Variants in ERCC5 observed in about 807,000 individuals in gnomAD.
ERCC5 encodes DNA excision repair protein ERCC-5.
ERCC5 carries 68 observed loss-of-function variants against 105.6 expected under a neutral mutation model. That is an observed-to-expected ratio of 0.64 (90% CI 0.53 to 0.79). The LOEUF (loss-of-function observed/expected upper bound fraction) is 0.79, where lower values mean the gene tolerates loss of function less well. ERCC5 is among the 30% of genes least tolerant of loss of function. The pLI, the probability that ERCC5 is intolerant of heterozygous loss-of-function variation, is 0.00. For synonymous variants in ERCC5, 546 were observed against 526.2 expected (o/e 1.04, Z -0.51); for missense variants, 1,373 against 1,426.7 (o/e 0.96, Z 0.61).
chr13:102,875,825 CCTCGTGACCGCCA>C lies in ERCC5; in HGVS notation c.3484_3496del (p.Leu1162AspfsTer11). 1 of 1,613,466 alleles carries C rather than the reference CCTCGTGACCGCCA, an allele frequency of 6.2e-7. No individual in the cohort carries two copies. The highest frequency in any genetic ancestry group is 1.3e-5 in the African/African-American group (1 of 74,960). On this transcript the variant is annotated frameshift_variant, in exon 15 of 15. Coordinates refer to ENST00000652225, the MANE Select transcript of ERCC5 (RefSeq NM_000123.4). LOFTEE classifies it low-confidence loss of function (END_TRUNC). ...ACGATGGAGGGAAAGAGAAGATGGT[CCTCGTGACCGCCA>C]GATCTGTGTTTGGGAAGAAAAGAAG...
chr13:102,846,842 G>T (rs372823288), intron 1 of ERCC5, among the ~76,000 whole-genome samples: 1 of 152,310 alleles, frequency 6.6e-6, no homozygotes, highest in Admixed American at 6.5e-5. Context: ...GCTTTCCCCA[G>T]CTTTGCAGTC....
chr13:102,866,954 G>A, intron 11 of ERCC5, 109 bp downstream of exon 11: 1 of 1,236,470 alleles, frequency 8.1e-7, no homozygotes, highest in South Asian at 1.4e-5. Context: ...GAAATTGCAG[G>A]TCTATGCAAA....
chr13:102,853,498 C>T (rs1439264462), intron 2 of ERCC5, among the ~76,000 whole-genome samples: 1 of 152,176 alleles, frequency 6.6e-6, no homozygotes, highest in African/African-American at 2.4e-5. Context: ...TATTAAAAGA[C>T]ATTTAAAAGA....
Position 102,846,219 on chromosome 13 carries a change from A to G in ERCC5, c.-48A>G. 1.3e-6 allele frequency: 2 copies of G among 1,518,698 alleles called. No homozygotes were observed. The highest frequency in any genetic ancestry group is 1.8e-6 in the Non-Finnish European group (2 of 1,101,038). 94.1% of individuals were successfully genotyped at this position (1,518,698 alleles called of 1,614,324 possible). ...GCGGCGGTGCAGTCCGTCGTAGAAG[A>G]ATTAGAGTAGAAGTTGTCGGGGTCC... On this transcript the variant is annotated 5_prime_UTR_variant, in exon 1 of 15. Transcript: ENST00000652225.
rs546279402 is a variant in ERCC5 at position 102,860,703 on chromosome 13, A to T, written c.673-804A>T. ...AAAATGGAGGTGATATCTGTTTCAT[A>T]GGATGATTGTGAGAATAAAATGAGG... On this transcript the variant is annotated intron_variant, in intron 6 of 14. Coordinates refer to ENST00000652225, the MANE Select transcript of ERCC5 (RefSeq NM_000123.4). Among the ~76,000 whole-genome samples the T allele has an allele frequency of 2.0e-5, 3 of 152,336 alleles. 1 individual carries two copies. The South Asian group carries it at 6.2e-4, about 32-fold the overall frequency.
At chr13:102,847,442 G>A (rs1269700876) in intron 1 of ERCC5, among the ~76,000 whole-genome samples, 1 of 152,012 alleles carries the variant, frequency 6.6e-6, no homozygotes, top group Non-Finnish European at 1.5e-5. Context: ...TTGGGGACGG[G>A]AAATGGAGTG....
intron 12 of ERCC5, among the ~76,000 whole-genome samples, chr13:102,870,197 G>T (rs1331908273): frequency 6.6e-6 from 1 of 152,170 alleles, no homozygotes; most frequent in Non-Finnish European, 1.5e-5. Flanking sequence ...GTCACATTTG[G>T]TTTGGACTAC....
At chr13:102,867,155 C>T (rs1029071659) in intron 11 of ERCC5, among the ~76,000 whole-genome samples, 7 of 152,316 alleles carry the variant, frequency 4.6e-5, no homozygotes, top group East Asian at 1.9e-4. Flanking sequence ...GGCCTGTATT[C>T]GGGTTTCTGG....
At chr13:102,871,138 G>A (rs529237150) in intron 12 of ERCC5, among the ~76,000 whole-genome samples, 5 of 152,178 alleles carry the variant, frequency 3.3e-5, no homozygotes, top group Non-Finnish European at 7.4e-5. Context: ...CGGGGCTGAT[G>A]AGGTGGCTTC....
chr13:102,863,245 C>A, intron 8 of ERCC5, 142 bp downstream of exon 8: 1 of 986,164 alleles, frequency 1.0e-6, no homozygotes, highest in Non-Finnish European at 1.5e-6. Context: ...AATGACTTTC[C>A]CAGGGAGTCA....
At chr13:102,855,190 A>G (rs1882364154) in intron 4 of ERCC5, among the ~76,000 whole-genome samples, 1 of 152,056 alleles carries the variant, frequency 6.6e-6, no homozygotes, top group Non-Finnish European at 1.5e-5. Flanking sequence ...AGTCTGTTTA[A>G]AATCCAAATC....
intron 8 of ERCC5, among the ~76,000 whole-genome samples, chr13:102,864,229 A>G (rs1882753988): frequency 6.6e-6 from 1 of 151,742 alleles, no homozygotes; most frequent in Non-Finnish European, 1.5e-5. Context: ...TTTGTAATTA[A>G]TAAGTATTTT....
intron 1 of ERCC5, among the ~76,000 whole-genome samples, chr13:102,851,719 T>C (rs761180873): frequency 1.3e-5 from 2 of 152,050 alleles, no homozygotes; most frequent in Non-Finnish European, 2.9e-5. Flanking sequence ...TGAGGATCAA[T>C]GTCTGGAAGT....
chr13:102,868,450 G>T (rs1467124729), intron 12 of ERCC5, among the ~76,000 whole-genome samples, 193 bp downstream of exon 12: 1 of 152,200 alleles, frequency 6.6e-6, no homozygotes, highest in African/African-American at 2.4e-5. Context: ...GTGGTGCTGG[G>T]CTTATCCTAG....
chr13:102,856,003 A>C, intron 4 of ERCC5, 49 bp from the exon 5 acceptor site: 1 of 1,582,418 alleles, frequency 6.3e-7, no homozygotes, highest in Non-Finnish European at 8.7e-7. Context: ...TATTTTTGTA[A>C]GGGGTCCTTA....
intron 1 of ERCC5, chr13:102,849,363 C>T (rs1300062645): frequency 1.9e-6 from 1 of 518,892 alleles, no homozygotes; most frequent in Non-Finnish European, 3.8e-6. Flanking sequence ...GTATCACCTC[C>T]TGCCATTCCT....
At chr13:102,864,988 A>G (rs935632791) in intron 8 of ERCC5, 4 of 153,408 alleles carry the variant, frequency 2.6e-5, no homozygotes, top group African/African-American at 9.7e-5. Flanking sequence ...ACATCTGCTT[A>G]TTCTCCCTGG....
chr13:102,846,493 C>T, intron 1 of ERCC5, 139 bp downstream of exon 1: 1 of 754,316 alleles, frequency 1.3e-6, no homozygotes, highest in South Asian at 1.5e-5. Flanking sequence ...ATCTCTGTCA[C>T]TAGGTTTTCT....
At chr13:102,864,394 T>C (rs1460082323) in intron 8 of ERCC5, among the ~76,000 whole-genome samples, 1 of 152,180 alleles carries the variant, frequency 6.6e-6, no homozygotes, top group Non-Finnish European at 1.5e-5. Flanking sequence ...TATATATTAT[T>C]ACTTGACATC....
Sources: allele counts gnomAD v4.1 joint callset (sites outside exome capture counted in the v4.1 genomes callset), GRCh38; gene constraint gnomAD v4.1.1; transcripts MANE v1.5; gene names NCBI Gene and HGNC (gene_info 2026-07-23, HGNC 2026-07-21).